MMS22L: variants seen among roughly 807,000 people sequenced by gnomAD.
The protein encoded by MMS22L is protein MMS22-like.
In MMS22L, 74 loss-of-function variants were observed where a neutral mutation model predicts 159.1. That is an observed-to-expected ratio of 0.47 (90% CI 0.39 to 0.56). The LOEUF (loss-of-function observed/expected upper bound fraction) is 0.56. Ranked by LOEUF, MMS22L falls within the 20% of genes least tolerant of loss-of-function variation. MMS22L has a pLI of 0.00. For missense variants in MMS22L, 1,351 were observed against 1,422.1 expected, an observed-to-expected ratio of 0.95 and a Z score of 0.80; for synonymous variants, 517 against 506.9, an observed-to-expected ratio of 1.02 and a Z score of -0.27.
chr6:97,172,766 T>C (rs1562415644), intron 19 of MMS22L, among the ~76,000 whole-genome samples: 1 of 152,194 alleles, frequency 6.6e-6, no homozygotes, highest in Non-Finnish European at 1.5e-5. Context: ...ATTCTAGTTA[T>C]TCAGGTATTG....
At chr6:97,251,330 T>A (rs2128050544) in intron 10 of MMS22L, among the ~76,000 whole-genome samples, 1 of 152,324 alleles carries the variant, frequency 6.6e-6, no homozygotes, top group Admixed American at 6.5e-5. Flanking sequence ...GTAAAATGAA[T>A]ATATTACCCT....
Position 97,146,042 on chromosome 6 carries a change from A to T in MMS22L, c.*764T>A, listed in dbSNP as rs188000595. 1 of 152,102 alleles carries T rather than the reference A, an allele frequency of 6.6e-6. No individual in the cohort carries two copies. Among genetic ancestry groups the T allele is most frequent in the Non-Finnish European group, 1.5e-5 (1 of 67,922 alleles). 9.4% of individuals were successfully genotyped at this position (152,102 alleles called of 1,614,324 possible). A position where few individuals can be genotyped will look rare whatever the true frequency, so the allele number is the denominator to read the frequency against. On this transcript the variant is annotated 3_prime_UTR_variant, in exon 25 of 25. Transcript: ENST00000683635. ...CCACTACTATTGTTACTTTTCTAGA[A>T]TATTTTTATTTACTCTCCTCTTAAA...
At position 97,229,313 on chromosome 6, in the gene MMS22L, A is replaced by T. The variant is rs1284320333; in HGVS notation, c.1620T>A (p.Ala540=). The T allele has an allele frequency of 3.1e-6, 5 of 1,613,950 alleles. No homozygotes were observed. In the Admixed American group the frequency reaches 8.3e-5, roughly 27 times the overall value. The change falls in exon 14 of 25, where the codon GCT becomes GCA. Residue 540 remains alanine, a synonymous_variant. Coordinates refer to ENST00000683635, the MANE Select transcript of MMS22L (RefSeq NM_001350599.2). ...TTGCAACATCTTCTACCTCTGCAAC[A>T]GCTGCTAACAGTAGAAAAAGGCTAA... ...NFFSLFLLLA[A]VAEVEDVASH...
intron 11 of MMS22L, chr6:97,245,838 A>G (rs1812557631): frequency 7.1e-6 from 1 of 140,998 alleles, no homozygotes. Flanking sequence ...TTCCAAAGAC[A>G]TAGCTACTAC....
At chr6:97,222,862 A>T (rs1809799523) in intron 14 of MMS22L, among the ~76,000 whole-genome samples, 1 of 152,128 alleles carries the variant, frequency 6.6e-6, no homozygotes, top group Non-Finnish European at 1.5e-5. Flanking sequence ...ATATAATTAA[A>T]GGAAAGCTTT....
chr6:97,238,251 T>C (rs956810523), intron 11 of MMS22L, among the ~76,000 whole-genome samples: 6 of 152,232 alleles, frequency 3.9e-5, no homozygotes, highest in African/African-American at 1.4e-4. Flanking sequence ...TGCACAGGGA[T>C]AGCTATCGTT....
At chr6:97,175,132 T>G (rs1401855993) in intron 18 of MMS22L, among the ~76,000 whole-genome samples, 1 of 152,208 alleles carries the variant, frequency 6.6e-6, no homozygotes, top group Non-Finnish European at 1.5e-5. Flanking sequence ...ATTTATTAAT[T>G]CATTGAAAAG....
chr6:97,178,485 G>T lies in MMS22L; in HGVS notation c.2637C>A (p.Ser879=). The change falls in exon 18 of 25, where the codon TCC becomes TCA. Residue 879 remains serine (S), a synonymous_variant. Transcript: ENST00000683635. ...GTGCTTTTTTAGGGTCTTCTGAGAT[G>T]GATAAATATTCAACTTGGGCCTTTG... ...IFSKAQVEYL[S]ISEDPKKALV... 6.3e-7 allele frequency: 1 copy of T among 1,581,628 alleles called. No homozygotes were observed. The highest frequency in any genetic ancestry group is 8.6e-7 in the Non-Finnish European group (1 of 1,163,086).
rs138500511 is a variant in MMS22L at position 97,171,503 on chromosome 6, A to G, written c.2839+1560T>C. ...AAAGCTTTATACATGGAAACAGAAAACTATCAGATATGAAGAATGAGAAAA... is the reference window on the plus strand; with the variant it reads ...AAAGCTTTATACATGGAAACAGAAAGCTATCAGATATGAAGAATGAGAAAA... On this transcript the variant is annotated intron_variant, in intron 19 of 24. Coordinates refer to ENST00000683635, the MANE Select transcript of MMS22L (RefSeq NM_001350599.2). Among the ~76,000 whole-genome samples, 575 of 152,266 alleles carry G rather than the reference A, an allele frequency of 3.8e-3. 2 individuals are homozygous for G. The highest frequency in any genetic ancestry group is 0.013 in the African/African-American group (544 of 41,552).
intron 9 of MMS22L, chr6:97,258,673 T>A (rs1814096136): frequency 6.6e-6 from 1 of 152,192 alleles, no homozygotes; most frequent in Non-Finnish European, 1.5e-5. Flanking sequence ...TTACCCACAA[T>A]GTATTTATTA....
chr6:97,155,564 T>C (rs953382821), intron 22 of MMS22L, among the ~76,000 whole-genome samples: 2 of 152,074 alleles, frequency 1.3e-5, no homozygotes, highest in Non-Finnish European at 1.5e-5. Flanking sequence ...ACACGCGGTG[T>C]TTGGTTTTCT....
rs142296745 is a variant in MMS22L, at chr6:97,193,340, A to G, written c.2040-6650T>C. Among the ~76,000 whole-genome samples, 190 of 152,310 alleles carry G rather than the reference A, an allele frequency of 1.2e-3. 1 individual carries two copies. Among genetic ancestry groups the G allele is most frequent in the African/African-American group, 4.3e-3 (179 of 41,572 alleles). On this transcript the variant is annotated intron_variant, in intron 14 of 24. Coordinates refer to ENST00000683635, the MANE Select transcript of MMS22L (RefSeq NM_001350599.2). ...ATAATAATGCTGTCTTACATACAAT[A>G]AAAGGGGTGAAGTGCCTAAAATGAA...
intron 18 of MMS22L, among the ~76,000 whole-genome samples, chr6:97,173,598 T>G (rs1445653924): frequency 2.0e-5 from 3 of 152,140 alleles, no homozygotes; most frequent in Non-Finnish European, 4.4e-5. Flanking sequence ...TTACTAGGAA[T>G]TCAAAATCCC....
At chr6:97,176,430 A>G (rs1460790704) in intron 18 of MMS22L, among the ~76,000 whole-genome samples, 1 of 152,134 alleles carries the variant, frequency 6.6e-6, no homozygotes, top group Non-Finnish European at 1.5e-5. Context: ...TCTGTGCAGA[A>G]AAGAGTTAAT....
At position 97,278,833 on chromosome 6, in the gene MMS22L, C is replaced by T. The variant is rs1196824945; in HGVS notation, c.340+16G>A. 1.9e-6 allele frequency: 3 copies of T among 1,609,938 alleles called. No individual in the cohort carries two copies. The highest frequency in any genetic ancestry group is 2.5e-6 in the Non-Finnish European group (3 of 1,177,808). ...AAGCACCATTCCCTTTTGCATTAAA[C>T]ACACCTTAAACTTACCAAAATCACA... On this transcript the variant is annotated intron_variant, in intron 4 of 24. Coordinates refer to ENST00000683635, the MANE Select transcript of MMS22L (RefSeq NM_001350599.2).
At chr6:97,239,977 A>G (rs557191565) in intron 11 of MMS22L, among the ~76,000 whole-genome samples, 1 of 152,356 alleles carries the variant, frequency 6.6e-6, no homozygotes, top group Non-Finnish European at 1.5e-5. Flanking sequence ...AGGCTGCTGT[A>G]TATTTGGAAG....
Position 97,234,079 on chromosome 6 carries a change from A to C in MMS22L, c.1183-99T>G, listed in dbSNP as rs1051640518. ...TGTATATAACCTGCAGCTAAAAAGA[A>C]AATAAATATGTGTCACCCAATCATA... is the stretch of plus-strand genomic sequence containing the variant. On this transcript the variant is annotated intron_variant, in intron 11 of 24. Coordinates refer to ENST00000683635, the MANE Select transcript of MMS22L (RefSeq NM_001350599.2). The C allele has an allele frequency of 1.8e-5, 23 of 1,306,636 alleles. 1 individual carries two copies. Among genetic ancestry groups the C allele is most frequent in the Non-Finnish European group, 2.4e-5 (23 of 967,698 alleles). The allele number at this position is 1,306,636 out of a possible 1,614,324, so 80.9% of individuals were successfully genotyped here.
chr6:97,144,086 A>G lies in MMS22L; in HGVS notation c.*2720T>C, dbSNP rs1339270247. The stretch of plus-strand genomic sequence containing the variant: ...CGACAGAGCAAGACTCTGCCTCAAA[A>G]CAACAACAACAACAACAACAAAAAA... On this transcript the variant is annotated 3_prime_UTR_variant, in exon 25 of 25. Coordinates refer to ENST00000683635, the MANE Select transcript of MMS22L (RefSeq NM_001350599.2). The G allele has an allele frequency of 8.6e-6, 1 of 115,748 alleles. No homozygotes were observed. The highest frequency in any genetic ancestry group is 1.7e-5 in the Non-Finnish European group (1 of 57,220). 7.2% of individuals were successfully genotyped at this position (115,748 alleles called of 1,614,324 possible).
At chr6:97,207,566 C>T (rs1388912821) in intron 14 of MMS22L, among the ~76,000 whole-genome samples, 1 of 152,160 alleles carries the variant, frequency 6.6e-6, no homozygotes, top group Non-Finnish European at 1.5e-5. Context: ...TTGAGGCTCT[C>T]CTCTCTCTTT....
Sources: gnomAD v4.1 joint callset for allele counts (sites outside exome capture counted in the v4.1 genomes callset) on GRCh38, gnomAD v4.1.1 for gene constraint, MANE v1.5 for transcripts, NCBI Gene and HGNC (gene_info 2026-07-23, HGNC 2026-07-21) for gene names.